CACNG5: variants seen among roughly 807,000 people sequenced by gnomAD.
The protein encoded by CACNG5 is voltage-dependent calcium channel gamma-5 subunit.
CACNG5 carries 18 observed loss-of-function variants against 24.8 expected under a neutral mutation model. The observed-to-expected ratio is 0.73, with a 90% confidence interval of 0.50 to 1.08. The LOEUF is 1.08. Ranked by LOEUF, CACNG5 falls within the 50% of genes least tolerant of loss-of-function variation. CACNG5 has a pLI of 0.00. For synonymous variants in CACNG5, 157 were observed against 149.1 expected, an observed-to-expected ratio of 1.05 and a Z score of -0.39; for missense variants, 349 against 367.9, an observed-to-expected ratio of 0.95 and a Z score of 0.42.
intron 1 of CACNG5, among the ~76,000 whole-genome samples, chr17:66,837,382 G>C (rs1006749868): frequency 1.3e-5 from 2 of 152,230 alleles, no homozygotes; most frequent in East Asian, 3.9e-4. Flanking sequence ...TCTGCAGGGA[G>C]CTGGCACTTC....
At chr17:66,878,728 T>G (rs965934926) in intron 2 of CACNG5, among the ~76,000 whole-genome samples, 1 of 152,164 alleles carries the variant, frequency 6.6e-6, no homozygotes, top group Non-Finnish European at 1.5e-5. Context: ...CATGTGACTC[T>G]TGGTGCTTGG....
At position 66,879,046 on chromosome 17, in the gene CACNG5, G is replaced by A. The variant is rs746739229; in HGVS notation, c.271G>A (p.Val91Ile). 2 of 1,613,904 alleles carry A rather than the reference G, an allele frequency of 1.2e-6. No individual in the cohort carries two copies. ...MNTQLTSEST[V>I]NVLKMIRSAT... is the part of the protein sequence containing the mutation. Reference sequence around the variant, plus strand: ...CACCCAGCTGACATCCGAGTCCACGGTCAATGTTCTAAGTAAGTGCCTTGA... The same window carrying A: ...CACCCAGCTGACATCCGAGTCCACGATCAATGTTCTAAGTAAGTGCCTTGA... Residue 91 changes from valine to isoleucine, a missense_variant, in exon 3 of 6, where the codon GTC (valine) becomes ATC (isoleucine). Transcript: ENST00000533854.
chr17:66,841,648 GC>G (rs1976570046), intron 1 of CACNG5, among the ~76,000 whole-genome samples: 1 of 152,184 alleles, frequency 6.6e-6, no homozygotes. Context: ...CACAGGAGGA[GC>G]CCTGGCTTCA....
At chr17:66,845,229 G>A (rs1324307629) in intron 1 of CACNG5, among the ~76,000 whole-genome samples, 2 of 152,052 alleles carry the variant, frequency 1.3e-5, no homozygotes, top group African/African-American at 2.4e-5. Flanking sequence ...ACTCATAAGC[G>A]GGAGTTGAAC....
chr17:66,861,748 G>A (rs1976862575), intron 1 of CACNG5, among the ~76,000 whole-genome samples: 3 of 152,240 alleles, frequency 2.0e-5, no homozygotes, highest in African/African-American at 7.2e-5. Context: ...CGGTAGCCAT[G>A]GGGGCAGTGA....
intron 1 of CACNG5, among the ~76,000 whole-genome samples, chr17:66,844,370 G>A (rs1976608605): frequency 6.6e-6 from 1 of 152,200 alleles, no homozygotes; most frequent in South Asian, 2.1e-4. Flanking sequence ...GTGGCCTTAG[G>A]TGAGTCATTT....
chr17:66,871,165 C>T (rs1977002408), intron 1 of CACNG5, among the ~76,000 whole-genome samples: 1 of 152,142 alleles, frequency 6.6e-6, no homozygotes, highest in African/African-American at 2.4e-5. Flanking sequence ...GGGAAGCAGG[C>T]AGGGCCAGAG....
chr17:66,885,326 G>T lies in CACNG5; in HGVS notation c.*86G>T. On this transcript the variant is annotated 3_prime_UTR_variant, in exon 6 of 6. Transcript: ENST00000533854. ...GGTGACCCCTGAGCCCCAGGCCTGT[G>T]GTTGACAGGCCCAGGCCACCCATGC... is the stretch of plus-strand genomic sequence containing the variant. 6.8e-7 allele frequency: 1 copy of T among 1,467,006 alleles called. No individual in the cohort carries two copies. The highest frequency in any genetic ancestry group is 1.4e-5 in the South Asian group (1 of 73,814). 90.9% of individuals were successfully genotyped at this position (1,467,006 alleles called of 1,614,324 possible).
intron 1 of CACNG5, among the ~76,000 whole-genome samples, chr17:66,856,000 A>G (rs1418378947): frequency 2.6e-5 from 4 of 152,218 alleles, no homozygotes. Flanking sequence ...GTCGTTTAAC[A>G]TTACCTTGCC....
rs1977307753 is a variant in CACNG5, at chr17:66,889,275, T to C, written c.*4035T>C. On this transcript the variant is annotated 3_prime_UTR_variant, in exon 6 of 6. Coordinates refer to ENST00000533854, the MANE Select transcript of CACNG5 (RefSeq NM_145811.3). The stretch of plus-strand genomic sequence containing the variant: ...TGTGCCCATCCTCTACCCTCTTTCT[T>C]GTCCCATGGGTGAGTCAATGATGTC... Among the ~76,000 whole-genome samples the C allele has an allele frequency of 6.6e-6, 1 of 152,196 alleles. No homozygotes were observed. The highest frequency in any genetic ancestry group is 2.1e-4 in the South Asian group (1 of 4,824).
At chr17:66,884,468 T>G in intron 4 of CACNG5, 48 bp from the exon 5 acceptor site, 1 of 1,551,832 alleles carries the variant, frequency 6.4e-7, no homozygotes, top group Non-Finnish European at 8.7e-7. Context: ...TCAGCAAACT[T>G]CCTGGGCCTC....
At chr17:66,863,363 T>C (rs1976890391) in intron 1 of CACNG5, among the ~76,000 whole-genome samples, 1 of 152,128 alleles carries the variant, frequency 6.6e-6, no homozygotes, top group Non-Finnish European at 1.5e-5. Context: ...ATTGTTGTTG[T>C]TGCTGTTGTT....
chr17:66,889,111 C>T lies in CACNG5; in HGVS notation c.*3871C>T, dbSNP rs1262907432. ...AAGTAGCTGGGATCACAGGCATGCACCATCATGCCCAGCTAATTTTTTAAT... is the reference window on the plus strand; with the variant it reads ...AAGTAGCTGGGATCACAGGCATGCATCATCATGCCCAGCTAATTTTTTAAT... On this transcript the variant is annotated 3_prime_UTR_variant, in exon 6 of 6. Coordinates refer to ENST00000533854, the MANE Select transcript of CACNG5 (RefSeq NM_145811.3). Among the ~76,000 whole-genome samples the T allele has an allele frequency of 3.3e-5, 5 of 152,150 alleles. No homozygotes were observed. Among genetic ancestry groups the T allele is most frequent in the African/African-American group, 1.2e-4 (5 of 41,414 alleles).
intron 1 of CACNG5, among the ~76,000 whole-genome samples, chr17:66,861,730 A>G (rs1475474288): frequency 6.6e-6 from 1 of 152,190 alleles, no homozygotes; most frequent in African/African-American, 2.4e-5. Flanking sequence ...GCTGGCTGTT[A>G]TTGCACCCGG....
chr17:66,871,717 G>C (rs1165334008), intron 1 of CACNG5, among the ~76,000 whole-genome samples: 1 of 152,042 alleles, frequency 6.6e-6, no homozygotes, highest in Non-Finnish European at 1.5e-5. Context: ...AAAATTAGCC[G>C]GGCGTGGTGG....
chr17:66,882,631 G>A (rs1404806758), intron 4 of CACNG5, among the ~76,000 whole-genome samples: 1 of 152,130 alleles, frequency 6.6e-6, no homozygotes, highest in Admixed American at 6.5e-5. Flanking sequence ...CAAAGGAGTG[G>A]CTCTCGGGGC....
At position 66,889,711 on chromosome 17, in the gene CACNG5, CTTTG is replaced by C. The variant is rs1172770183; in HGVS notation, c.*4474_*4477del. On this transcript the variant is annotated 3_prime_UTR_variant, in exon 6 of 6. Coordinates refer to ENST00000533854, the MANE Select transcript of CACNG5 (RefSeq NM_145811.3). ...TCCTGGCTGCTCAGGGGAGGTCAGCCTTTGTTCTATTCAGGCTTTCAGTGCAGTG... is the reference window on the plus strand; with the variant it reads ...TCCTGGCTGCTCAGGGGAGGTCAGCCTTCTATTCAGGCTTTCAGTGCAGTG... Among the ~76,000 whole-genome samples the C allele has an allele frequency of 6.6e-6, 1 of 152,162 alleles. No homozygotes were observed. Among genetic ancestry groups the C allele is most frequent in the Non-Finnish European group, 1.5e-5 (1 of 68,024 alleles).
At position 66,884,619 on chromosome 17, in the gene CACNG5, G is replaced by A. The variant is rs1174435489; in HGVS notation, c.528G>A (p.Gly176=). The A allele has an allele frequency of 6.2e-7, 1 of 1,614,160 alleles. No homozygotes were observed. Among genetic ancestry groups the A allele is most frequent in the African/African-American group, 1.3e-5 (1 of 75,030 alleles). Residue 176 remains glycine (G), a synonymous_variant, in exon 5 of 6, where the codon GGG becomes GGA. Transcript: ENST00000533854. The part of the protein sequence containing the change: ...DAETYFNYKY[G]WSFAFAAISF... ...AGACCTACTTCAACTACAAGTATGG[G>A]TGGTCGTTTGCCTTCGCCGCCATCT...
intron 1 of CACNG5, 125 bp from the exon 2 acceptor site, chr17:66,877,105 G>C (rs1373792566): frequency 7.7e-6 from 4 of 519,610 alleles, no homozygotes; most frequent in Non-Finnish European, 1.4e-5. Context: ...GCGGGGTTAG[G>C]GGGAGGGTGG....
Sources: allele counts gnomAD v4.1 joint callset (sites outside exome capture counted in the v4.1 genomes callset), GRCh38; gene constraint gnomAD v4.1.1; transcripts MANE v1.5; gene names NCBI Gene and HGNC (gene_info 2026-07-23, HGNC 2026-07-21).